ATAD2B: variants seen among roughly 807,000 people sequenced by gnomAD.
ATAD2B encodes the protein ATPase family AAA domain containing 2B.
A neutral mutation model predicts 167.6 loss-of-function variants in ATAD2B; 40 were observed. That is an observed-to-expected ratio of 0.24 (90% CI 0.19 to 0.31). The LOEUF (loss-of-function observed/expected upper bound fraction) is 0.31, where lower values mean the gene tolerates loss of function less well. ATAD2B is among the 10% of genes least tolerant of loss of function. The pLI is 1.00. For synonymous variants in ATAD2B, 579 were observed against 596.5 expected, an observed-to-expected ratio of 0.97 and a Z score of 0.43; for missense variants, 1,242 against 1,757.2, an observed-to-expected ratio of 0.71 and a Z score of 5.24.
chr2:23,685,919 GGGGGCA>G, the ATAD2B span, among the ~76,000 whole-genome samples: 1 of 152,224 alleles, frequency 6.6e-6, no homozygotes, highest in Non-Finnish European at 1.5e-5. Flanking sequence ...AGGACAGAAA[GGGGGCA>G]GGTCAGTGCT....
intron 1 of ATAD2B, among the ~76,000 whole-genome samples, chr2:23,914,220 T>A (rs1200762020): frequency 6.6e-6 from 1 of 152,008 alleles, no homozygotes; most frequent in African/African-American, 2.4e-5. Flanking sequence ...AAAGGACAGG[T>A]TGTCTATCAG....
chr2:23,814,656 G>A (rs1451463192), intron 17 of ATAD2B, among the ~76,000 whole-genome samples: 1 of 152,124 alleles, frequency 6.6e-6, no homozygotes, highest in East Asian at 1.9e-4. Context: ...TGAAGTACTG[G>A]GGACAAGTTG....
At chr2:23,871,519 T>C (rs988335760) in intron 8 of ATAD2B, among the ~76,000 whole-genome samples, 5 of 152,232 alleles carry the variant, frequency 3.3e-5, no homozygotes, top group Non-Finnish European at 2.9e-5. Flanking sequence ...TACTTCAGTT[T>C]TTAATCTTTC....
chr2:23,785,299 G>C (rs1680656420), intron 21 of ATAD2B, among the ~76,000 whole-genome samples: 1 of 152,044 alleles, frequency 6.6e-6, no homozygotes, highest in Non-Finnish European at 1.5e-5. Context: ...CAAACATGGA[G>C]TCTGAACTAT....
intron 4 of ATAD2B, among the ~76,000 whole-genome samples, chr2:23,886,536 A>G (rs914562603): frequency 6.6e-6 from 1 of 152,320 alleles, no homozygotes; most frequent in African/African-American, 2.4e-5. Context: ...TATAAAAATA[A>G]GTAATTGTAT....
rs760540025 is a variant in ATAD2B, at chr2:23,823,298, C to T, written c.2091G>A (p.Val697=). 2 of 1,613,162 alleles carry T rather than the reference C, an allele frequency of 1.2e-6. No homozygotes were observed. Among genetic ancestry groups the T allele is most frequent in the South Asian group, 2.2e-5 (2 of 90,958 alleles). The change falls in exon 16 of 28, where the codon GTG becomes GTA. Residue 697 remains valine, a synonymous_variant. Transcript: ENST00000238789. ...FNNILAVLQK[V]FPHAEISQSD... ...TCTGGCTAATTTCAGCATGAGGAAA[C>T]ACTTTTTGCAAGACTGCTAGGATGT...
At chr2:23,871,213 GTCT>G (rs372211039) in intron 8 of ATAD2B, among the ~76,000 whole-genome samples, 2 of 150,306 alleles carry the variant, frequency 1.3e-5, no homozygotes, top group African/African-American at 4.9e-5. Flanking sequence ...CCCTTATATC[GTCT>G]TCTTCTCCAC....
At chr2:23,772,764 T>A (rs566579422) in intron 22 of ATAD2B, among the ~76,000 whole-genome samples, 2 of 152,290 alleles carry the variant, frequency 1.3e-5, no homozygotes, top group South Asian at 4.1e-4. Flanking sequence ...AAGGTCTCAC[T>A]CTGTCACCCA....
chr2:23,913,438 G>A (rs1293251742), intron 1 of ATAD2B, among the ~76,000 whole-genome samples: 6 of 152,102 alleles, frequency 3.9e-5, no homozygotes, highest in Admixed American at 3.3e-4. Flanking sequence ...TCAGGAGTTC[G>A]AGACCAGCCT....
the ATAD2B span, among the ~76,000 whole-genome samples, chr2:23,725,967 T>TA: frequency 6.6e-6 from 1 of 151,786 alleles, no homozygotes; most frequent in Non-Finnish European, 1.5e-5. Context: ...GACAATTCCT[T>TA]AAAAAAATAA....
the ATAD2B span, among the ~76,000 whole-genome samples, chr2:23,714,866 A>AT: frequency 6.6e-6 from 1 of 152,020 alleles, no homozygotes; most frequent in Admixed American, 6.5e-5. Flanking sequence ...AAAAAAAAAA[A>AT]GAAAAATATA....
intron 17 of ATAD2B, among the ~76,000 whole-genome samples, chr2:23,814,498 A>C (rs1260776532): frequency 6.6e-6 from 1 of 152,222 alleles, no homozygotes; most frequent in Non-Finnish European, 1.5e-5. Context: ...AGTGTTACCA[A>C]GGCAGAAACC....
the ATAD2B span, chr2:23,693,309 C>T: frequency 6.5e-7 from 1 of 1,549,042 alleles, no homozygotes; most frequent in Non-Finnish European, 8.7e-7. Context: ...GCGTGCTGGC[C>T]ATGGCCGAGG....
In ATAD2B at chr2:23,915,586, C is replaced by CTTTTTTT. The variant is rs869032768; in HGVS notation, c.216+10962_216+10968dup. On this transcript the variant is annotated intron_variant, in intron 1 of 27. Coordinates refer to ENST00000238789, the MANE Select transcript of ATAD2B (RefSeq NM_017552.4). ...AAACAACCATGTCTGACTACCGATT[C>CTTTTTTT]TTTTTTTTTTTTTTTTTTTTTTTTT... 1.5e-4 allele frequency among the ~76,000 whole-genome samples: 10 copies of CTTTTTTT among 65,248 alleles called. 1 individual carries two copies. Among genetic ancestry groups the CTTTTTTT allele is most frequent in the Non-Finnish European group, 2.2e-4 (8 of 36,712 alleles). The allele number at this position is 65,248 out of a possible 152,430, so 42.8% of individuals were successfully genotyped here. A position where few individuals can be genotyped will look rare whatever the true frequency, so the allele number is the denominator to read the frequency against.
chr2:23,845,570 A>ATTT (rs71402518), intron 13 of ATAD2B, among the ~76,000 whole-genome samples: 1,605 of 87,670 alleles, frequency 0.018, 143 homozygotes, highest in Non-Finnish European at 0.022. Context: ...GCATGCTGGA[A>ATTT]TTTTTTTTTT....
intron 18 of ATAD2B, among the ~76,000 whole-genome samples, chr2:23,807,824 A>ATAT (rs1384785560): frequency 0.012 from 1,488 of 127,316 alleles, 37 homozygotes; most frequent in African/African-American, 0.041. Context: ...TTAAAAAAAA[A>ATAT]AAAAATATAT....
At chr2:23,872,450 C>T in intron 8 of ATAD2B, 1 of 729,110 alleles carries the variant, frequency 1.4e-6, no homozygotes, top group South Asian at 1.4e-5. Context: ...AGGCTGTTGC[C>T]ATGCACTGCA....
At chr2:23,711,198 G>C in the ATAD2B span, among the ~76,000 whole-genome samples, 1 of 151,844 alleles carries the variant, frequency 6.6e-6, no homozygotes, top group Non-Finnish European at 1.5e-5. Flanking sequence ...AATACTATCA[G>C]TTGTATTCAT....
At chr2:23,726,512 G>A in the ATAD2B span, among the ~76,000 whole-genome samples, 2 of 152,102 alleles carry the variant, frequency 1.3e-5, no homozygotes, top group African/African-American at 2.4e-5. Flanking sequence ...TCATCTTCAT[G>A]TTGAGCAGGC....
Sources: allele counts gnomAD v4.1 joint callset (sites outside exome capture counted in the v4.1 genomes callset), GRCh38; gene constraint gnomAD v4.1.1; transcripts MANE v1.5; gene names NCBI Gene and HGNC (gene_info 2026-07-23, HGNC 2026-07-21).